PTPRG: variants seen among roughly 807,000 people sequenced by gnomAD.
PTPRG encodes the protein protein tyrosine phosphatase receptor type G.
PTPRG carries 102 observed loss-of-function variants against 165.3 expected under a neutral mutation model. The ratio of observed to expected loss-of-function variants is 0.62; its 90% CI spans 0.53 to 0.73. The LOEUF (loss-of-function observed/expected upper bound fraction) is 0.73. Ranked by LOEUF, PTPRG falls within the 30% of genes least tolerant of loss-of-function variation. The pLI, the probability that PTPRG is intolerant of heterozygous loss-of-function variation, is 0.00. For synonymous variants in PTPRG, 675 were observed against 669.5 expected (o/e 1.01, Z -0.13); for missense variants, 1,866 against 1,861.4 (o/e 1.00, Z -0.05).
intron 5 of PTPRG, among the ~76,000 whole-genome samples, chr3:62,082,046 A>G (rs187880875): frequency 9.9e-4 from 151 of 152,308 alleles, no homozygotes; most frequent in African/African-American, 2.7e-3. Context: ...TAAAAAGGCT[A>G]TACTCTGACT....
intron 2 of PTPRG, among the ~76,000 whole-genome samples, chr3:61,840,074 A>G (rs763902122): frequency 6.6e-6 from 1 of 152,198 alleles, no homozygotes; most frequent in African/African-American, 2.4e-5. Flanking sequence ...TTATATGCAC[A>G]TATATATTTA....
chr3:61,896,246 T>C (rs2038351915), intron 2 of PTPRG, among the ~76,000 whole-genome samples: 1 of 152,192 alleles, frequency 6.6e-6, no homozygotes, highest in Non-Finnish European at 1.5e-5. Flanking sequence ...TAGAAACCTC[T>C]AATCTGTCTT....
At chr3:61,836,070 A>G (rs1284557728) in intron 2 of PTPRG, among the ~76,000 whole-genome samples, 25 of 141,862 alleles carry the variant, frequency 1.8e-4, no homozygotes, top group Non-Finnish European at 3.9e-4. Flanking sequence ...ACCAAAAAAA[A>G]AAATATATAT....
At chr3:62,072,183 C>T (rs1701229818) in intron 4 of PTPRG, among the ~76,000 whole-genome samples, 2 of 152,208 alleles carry the variant, frequency 1.3e-5, no homozygotes, top group Non-Finnish European at 1.5e-5. Context: ...AACAGTGGAG[C>T]ATTGACTGTT....
chr3:61,892,731 G>T (rs1021738968), intron 2 of PTPRG, among the ~76,000 whole-genome samples: 2 of 151,490 alleles, frequency 1.3e-5, no homozygotes, highest in African/African-American at 2.4e-5. Context: ...CAGGAGAATC[G>T]CCTGAACCCG....
intron 8 of PTPRG, among the ~76,000 whole-genome samples, chr3:62,172,828 A>G (rs896689786): frequency 1.3e-5 from 2 of 152,208 alleles, no homozygotes; most frequent in African/African-American, 4.8e-5. Flanking sequence ...TCTATCTGAT[A>G]ATTATTGGAA....
intron 1 of PTPRG, among the ~76,000 whole-genome samples, chr3:61,735,904 C>A (rs2032701427): frequency 8.0e-6 from 1 of 124,284 alleles, no homozygotes; most frequent in South Asian, 2.6e-4. Context: ...CATGTTAAAA[C>A]AATGATTTTT....
At chr3:61,841,064 G>A (rs1288308353) in intron 2 of PTPRG, among the ~76,000 whole-genome samples, 1 of 152,096 alleles carries the variant, frequency 6.6e-6, no homozygotes, top group Non-Finnish European at 1.5e-5. Flanking sequence ...TTACAGATGT[G>A]AGCCACCACA....
intron 2 of PTPRG, among the ~76,000 whole-genome samples, chr3:61,944,348 T>C (rs2039704449): frequency 6.6e-6 from 1 of 152,194 alleles, no homozygotes; most frequent in Non-Finnish European, 1.5e-5. Context: ...ACTGATGCCC[T>C]CCTGTTCTTA....
intron 2 of PTPRG, among the ~76,000 whole-genome samples, chr3:61,867,001 G>GCTT (rs1201769127): frequency 6.6e-6 from 1 of 152,162 alleles, no homozygotes; most frequent in African/African-American, 2.4e-5. Context: ...GAGTTTCAAG[G>GCTT]CTTCTTGTTG....
chr3:62,156,433 C>G (rs1321686327), intron 6 of PTPRG, among the ~76,000 whole-genome samples: 1 of 152,202 alleles, frequency 6.6e-6, no homozygotes, highest in Non-Finnish European at 1.5e-5. Flanking sequence ...AGGGAAGATA[C>G]CGCCACATTT....
intron 4 of PTPRG, among the ~76,000 whole-genome samples, chr3:62,075,708 CTG>C (rs1337795632): frequency 1.3e-5 from 2 of 152,160 alleles, no homozygotes; most frequent in Admixed American, 1.3e-4. Context: ...CATCAGAACT[CTG>C]TTTACCTTTG....
intron 5 of PTPRG, 135 bp from the exon 6 acceptor site, chr3:62,132,467 G>A: frequency 1.4e-6 from 1 of 705,104 alleles, no homozygotes; most frequent in African/African-American, 1.7e-5. Flanking sequence ...TTTGGTGAGA[G>A]CCATGGTGTA....
intron 1 of PTPRG, among the ~76,000 whole-genome samples, chr3:61,695,948 A>T (rs2030562957): frequency 6.6e-6 from 1 of 152,200 alleles, no homozygotes; most frequent in Non-Finnish European, 1.5e-5. Context: ...GTGAATGAGT[A>T]TGTTGGCAAG....
chr3:61,644,903 G>A (rs181905987), intron 1 of PTPRG, among the ~76,000 whole-genome samples: 168 of 152,324 alleles, frequency 1.1e-3, no homozygotes, highest in Non-Finnish European at 1.7e-3. Flanking sequence ...AAAAGAAGGT[G>A]TTGCTTTATG....
rs1418968789 is a variant in PTPRG at position 61,862,043 on chromosome 3, C to T, written c.190+113061C>T. Among the ~76,000 whole-genome samples, 3 of 152,232 alleles carry T rather than the reference C, an allele frequency of 2.0e-5. No homozygotes were observed. In the East Asian group the frequency reaches 5.8e-4, roughly 29 times the overall value. The stretch of plus-strand genomic sequence containing the variant: ...CCACGGATTGGTACCGGTCCCTGGC[C>T]TGTTAGGAACTGGGCTGCACAGCTG... On this transcript the variant is annotated intron_variant, in intron 2 of 29. Transcript: ENST00000474889.
intron 5 of PTPRG, among the ~76,000 whole-genome samples, chr3:62,095,883 G>A (rs1210072585): frequency 6.6e-6 from 1 of 152,104 alleles, no homozygotes; most frequent in Non-Finnish European, 1.5e-5. Context: ...CCCCAAGCAG[G>A]AGAACTGAGT....
chr3:61,720,183 G>T (rs2031988592), intron 1 of PTPRG, among the ~76,000 whole-genome samples: 1 of 151,902 alleles, frequency 6.6e-6, no homozygotes, highest in Non-Finnish European at 1.5e-5. Context: ...GAGTGCAGTG[G>T]CAGGATCTTG....
At chr3:62,102,044 A>G (rs903282903) in intron 5 of PTPRG, among the ~76,000 whole-genome samples, 24 of 152,028 alleles carry the variant, frequency 1.6e-4, no homozygotes, top group Admixed American at 3.9e-4. Flanking sequence ...TTTAAAATGT[A>G]TTTGCTCGTA....
Sources: allele counts gnomAD v4.1 joint callset (sites outside exome capture counted in the v4.1 genomes callset), GRCh38; gene constraint gnomAD v4.1.1; transcripts MANE v1.5; gene names NCBI Gene and HGNC (gene_info 2026-07-23, HGNC 2026-07-21).